CLNK: variants seen among roughly 807,000 people sequenced by gnomAD.
The protein encoded by CLNK is cytokine dependent hematopoietic cell linker, also known as cytokine-dependent hematopoietic cell linker.
CLNK carries 74 observed loss-of-function variants against 68.6 expected under a neutral mutation model. That is an observed-to-expected ratio of 1.08 (90% CI 0.89 to 1.31). The LOEUF (loss-of-function observed/expected upper bound fraction) is 1.31, where lower values mean the gene tolerates loss of function less well. Ranked by LOEUF, CLNK falls within the 50% of genes most tolerant of loss-of-function variation. The pLI, the probability that CLNK is intolerant of heterozygous loss-of-function variation, is 0.00. For synonymous variants in CLNK, 198 were observed against 172.2 expected (o/e 1.15, Z -1.17); for missense variants, 553 against 515.3 (o/e 1.07, Z -0.71).
intron 2 of CLNK, among the ~76,000 whole-genome samples, chr4:10,602,250 G>A (rs563841303): frequency 3.9e-5 from 6 of 152,212 alleles, no homozygotes. Flanking sequence ...TTTTCATGTA[G>A]ACCTAATAGC....
At chr4:10,525,467 C>G (rs1577106625) in intron 14 of CLNK, among the ~76,000 whole-genome samples, 1 of 152,214 alleles carries the variant, frequency 6.6e-6, no homozygotes, top group Admixed American at 6.5e-5. Flanking sequence ...AACACTTGGT[C>G]TTCTAGCCAT....
rs577150988 is a variant in CLNK at position 10,506,005 on chromosome 4, G to A, written c.984+1954C>T. 2.1e-3 allele frequency among the ~76,000 whole-genome samples: 322 copies of A among 152,006 alleles called. 9 individuals carry two copies. The highest frequency in any genetic ancestry group is 2.3e-3 in the Non-Finnish European group (157 of 67,990). Reference sequence around the variant, plus strand: ...CACTAACTAATTCATTCATTTTTAGGTTACCTCCTTCAACAGTGACCATTG... The same window carrying A: ...CACTAACTAATTCATTCATTTTTAGATTACCTCCTTCAACAGTGACCATTG... On this transcript the variant is annotated intron_variant, in intron 17 of 18. Transcript: ENST00000226951.
At chr4:10,587,389 G>C (rs904250651) in intron 3 of CLNK, among the ~76,000 whole-genome samples, 2 of 152,200 alleles carry the variant, frequency 1.3e-5, no homozygotes, top group African/African-American at 4.8e-5. Flanking sequence ...GAAGGCTCCC[G>C]AGGATGCTAC....
chr4:10,537,670 T>TCTTCCTTC (rs1718833400), intron 11 of CLNK, among the ~76,000 whole-genome samples: 1 of 46,656 alleles, frequency 2.1e-5, no homozygotes, highest in Non-Finnish European at 4.2e-5. Context: ...TTTCTTTCTT[T>TCTTCCTTC]CTTTCTTTCT....
intron 17 of CLNK, among the ~76,000 whole-genome samples, chr4:10,503,717 G>A (rs1042685625): frequency 3.4e-5 from 5 of 148,440 alleles, no homozygotes; most frequent in Admixed American, 1.3e-4. Flanking sequence ...GATACTGGTA[G>A]CTAAGGTGCA....
At chr4:10,570,729 C>A (rs1720310918) in intron 5 of CLNK, among the ~76,000 whole-genome samples, 1 of 152,066 alleles carries the variant, frequency 6.6e-6, no homozygotes, top group Admixed American at 6.6e-5. Flanking sequence ...TATAGATATG[C>A]AAGTGAAAAC....
In CLNK at chr4:10,495,528, T is replaced by G. The variant is rs142910871; in HGVS notation, c.1141-4915A>C. ...AGGCTTACAATTAATGCTTGGACAA[T>G]AAATAAGTAAAGGAGCAGTGGGTGC... On this transcript the variant is annotated intron_variant, in intron 18 of 18. Transcript: ENST00000226951. 3.3e-5 allele frequency among the ~76,000 whole-genome samples: 5 copies of G among 152,258 alleles called. No individual in the cohort carries two copies. In the East Asian group the frequency reaches 9.6e-4, roughly 29 times the overall value.
intron 17 of CLNK, among the ~76,000 whole-genome samples, chr4:10,503,203 T>C (rs2109026625): frequency 6.6e-6 from 1 of 152,316 alleles, no homozygotes; most frequent in African/African-American, 2.4e-5. Flanking sequence ...GCCTGACACC[T>C]GTAATCCCAA....
intron 12 of CLNK, among the ~76,000 whole-genome samples, chr4:10,529,237 T>A (rs1254665226): frequency 6.6e-6 from 1 of 152,226 alleles, no homozygotes; most frequent in Non-Finnish European, 1.5e-5. Flanking sequence ...TCTATAAGTA[T>A]GTGCATATAT....
At chr4:10,608,032 G>T (rs1721852634) in intron 2 of CLNK, among the ~76,000 whole-genome samples, 1 of 152,106 alleles carries the variant, frequency 6.6e-6, no homozygotes, top group African/African-American at 2.4e-5. Context: ...TAGTAGAAGA[G>T]TCCCAAAAAA....
At chr4:10,637,088 GA>G (rs1188910613) in intron 2 of CLNK, among the ~76,000 whole-genome samples, 2 of 152,182 alleles carry the variant, frequency 1.3e-5, no homozygotes, top group Non-Finnish European at 2.9e-5. Context: ...AAGGACACGA[GA>G]AGAGCAAATA....
the CLNK span, among the ~76,000 whole-genome samples, chr4:10,719,180 A>G: frequency 2.6e-5 from 4 of 152,106 alleles, no homozygotes; most frequent in African/African-American, 4.8e-5. Context: ...TAAAATAGCA[A>G]TCTTAAGCCC....
In CLNK at chr4:10,549,793, G is replaced by A. The variant is rs924774646; in HGVS notation, c.446-7513C>T. Among the ~76,000 whole-genome samples, 4 of 152,340 alleles carry A rather than the reference G, an allele frequency of 2.6e-5. No homozygotes were observed. In the East Asian group the frequency reaches 7.7e-4, roughly 29 times the overall value. On this transcript the variant is annotated intron_variant, in intron 8 of 18. Transcript: ENST00000226951. Reference sequence around the variant, plus strand: ...AAGAGGACCCAAACAGTTGTTCAAAGTCTTTCCCATCTCCAGTTTTCTCTT... The same window carrying A: ...AAGAGGACCCAAACAGTTGTTCAAAATCTTTCCCATCTCCAGTTTTCTCTT...
chr4:10,649,488 A>G (rs1463158895), intron 2 of CLNK, among the ~76,000 whole-genome samples: 1 of 152,162 alleles, frequency 6.6e-6, no homozygotes, highest in Non-Finnish European at 1.5e-5. Context: ...GAGACTTGAT[A>G]CAAAGCTCAC....
chr4:10,627,667 T>C (rs796804546), intron 2 of CLNK, among the ~76,000 whole-genome samples: 15 of 152,244 alleles, frequency 9.9e-5, no homozygotes, highest in African/African-American at 3.6e-4. Context: ...CTCCTTCTGC[T>C]GCTGCAGGGT....
At chr4:10,578,579 C>CTTTTTTTTTTTTTTTTTGTTTTTTTTT (rs1720659891) in intron 4 of CLNK, among the ~76,000 whole-genome samples, 1 of 44,892 alleles carries the variant, frequency 2.2e-5, no homozygotes, top group Non-Finnish European at 3.9e-5. Flanking sequence ...CTTACCTTAT[C>CTTTTTTTTTTTTTTTTTGTTTTTTTTT]TTTTTTTTTT....
chr4:10,604,954 G>C (rs566817393), intron 2 of CLNK, among the ~76,000 whole-genome samples: 1 of 152,320 alleles, frequency 6.6e-6, no homozygotes, highest in Non-Finnish European at 1.5e-5. Flanking sequence ...TTTGACTAAA[G>C]CAGATGATGC....
At position 10,654,384 on chromosome 4, in the gene CLNK, AATATATAT is replaced by A. The variant is rs71281268; in HGVS notation, c.11+13467_11+13474del. On this transcript the variant is annotated intron_variant, in intron 2 of 18. Transcript: ENST00000226951. ...TATATAGATAAATATATATTGATTA[AATATATAT>A]ATATATATATAGAAAGTCTCTTGGC... Among the ~76,000 whole-genome samples the A allele has an allele frequency of 5.9e-5, 5 of 84,166 alleles. 1 individual carries two copies. The highest frequency in any genetic ancestry group is 3.4e-4 in the East Asian group (1 of 2,912). The allele number at this position is 84,166 out of a possible 152,430, so 55.2% of individuals were successfully genotyped here.
chr4:10,655,094 C>T (rs1381629083), intron 2 of CLNK, among the ~76,000 whole-genome samples: 3 of 134,140 alleles, frequency 2.2e-5, no homozygotes, highest in Admixed American at 7.9e-5. Flanking sequence ...GAACGAGACA[C>T]CGACTCGAAA....
Sources: allele counts gnomAD v4.1 joint callset (sites outside exome capture counted in the v4.1 genomes callset), GRCh38; gene constraint gnomAD v4.1.1; transcripts MANE v1.5; gene names NCBI Gene and HGNC (gene_info 2026-07-23, HGNC 2026-07-21).